Variants in INF2 observed in about 807,000 individuals in gnomAD.
The protein encoded by INF2 is inverted formin 2, also known as inverted formin-2.
INF2 carries 43 observed loss-of-function variants against 123.5 expected under a neutral mutation model. That is an observed-to-expected ratio of 0.35 (90% CI 0.27 to 0.45). The LOEUF (loss-of-function observed/expected upper bound fraction) is 0.45, where lower values mean the gene tolerates loss of function less well. Ranked by LOEUF, INF2 falls within the 20% of genes least tolerant of loss-of-function variation. The probability of loss-of-function intolerance (pLI) is 1.00; values close to 1 mark genes in which losing one functional copy is unlikely to be tolerated. For missense variants in INF2, 1,453 were observed against 1,682.7 expected (o/e 0.86, Z 2.39); for synonymous variants, 851 against 745.0 (o/e 1.14, Z -2.32).
intron 10 of INF2, among the ~76,000 whole-genome samples, chr14:104,708,963 G>C (rs1403695312): frequency 6.6e-6 from 1 of 152,178 alleles, no homozygotes; most frequent in Non-Finnish European, 1.5e-5. Flanking sequence ...GACAAGTAGT[G>C]GCTAAACCAG....
intron 22 of INF2, chr14:104,715,650 G>C (rs906342105): frequency 3.5e-6 from 2 of 575,188 alleles, no homozygotes; most frequent in Non-Finnish European, 6.4e-6. Context: ...AGCAGGATCC[G>C]GGCCCTGGGG....
At chr14:104,700,424 G>A (rs909027281) in intron 1 of INF2, among the ~76,000 whole-genome samples, 2 of 152,214 alleles carry the variant, frequency 1.3e-5, no homozygotes, top group African/African-American at 4.8e-5. Flanking sequence ...CTCCCTCCCC[G>A]AGGCTCCACG....
At chr14:104,708,879 C>A (rs1889907423) in intron 10 of INF2, 147 bp downstream of exon 10, 2 of 874,308 alleles carry the variant, frequency 2.3e-6, no homozygotes, top group Non-Finnish European at 1.9e-6. Context: ...GGGTAATAGC[C>A]CCATGCTGCC....
rs909373112 is a variant in INF2, at chr14:104,703,941, T to C, written c.693T>C (p.Ala231=). ...GGCTGCAGCTGCTGGACGTCCTGGC[T>C]CGCCTGCGGTGAGTCCCCACTGTAG... ...FIGLQLLDVL[A]RLRDLEDADL... The change falls in exon 5 of 23, where the codon GCT becomes GCC. Residue 231 remains alanine, a synonymous_variant. Coordinates refer to ENST00000392634, the MANE Select transcript of INF2 (RefSeq NM_022489.4). The C allele has an allele frequency of 1.9e-6, 3 of 1,610,424 alleles. No individual in the cohort carries two copies. The highest frequency in any genetic ancestry group is 1.7e-5 in the Admixed American group (1 of 60,018).
rs1404196547 is a variant in INF2, at chr14:104,721,101, T to G, written c.*2308T>G. 24 of 111,974 alleles carry G rather than the reference T, an allele frequency of 2.1e-4. No homozygotes were observed. The highest frequency in any genetic ancestry group is 8.7e-4 in the African/African-American group (22 of 25,362). The allele number at this position is 111,974 out of a possible 1,614,324, so 6.9% of individuals were successfully genotyped here. ...TGCTGCTGTGGACGTCTGCGTAGTC[T>G]CGTGTGGATGCTGCTGTGGACGTCT... is the stretch of plus-strand genomic sequence containing the variant. On this transcript the variant is annotated 3_prime_UTR_variant, in exon 23 of 23. Coordinates refer to ENST00000392634, the MANE Select transcript of INF2 (RefSeq NM_022489.4).
chr14:104,692,797 G>A (rs932517756), intron 1 of INF2, among the ~76,000 whole-genome samples: 2 of 152,236 alleles, frequency 1.3e-5, no homozygotes, highest in African/African-American at 4.8e-5. Context: ...ACCTTGCCAC[G>A]CCAATGGCCA....
At chr14:104,707,159 G>A (rs1018770084) in intron 7 of INF2, 94 bp from the exon 8 acceptor site, 54 of 1,510,336 alleles carry the variant, frequency 3.6e-5, no homozygotes, top group Middle Eastern at 1.9e-4. Context: ...CTCTGCCCAG[G>A]GGAGGTGGCC....
intron 1 of INF2, among the ~76,000 whole-genome samples, chr14:104,692,659 C>T (rs940869993): frequency 3.3e-5 from 5 of 152,236 alleles, no homozygotes; most frequent in African/African-American, 1.2e-4. Context: ...CCCATGCAGA[C>T]AGACAACTGC....
In INF2 at chr14:104,708,020, C is replaced by A. The variant is rs764135002; in HGVS notation, c.1735+18C>A. 2.3e-5 allele frequency: 36 copies of A among 1,598,096 alleles called. No individual in the cohort carries two copies. Among genetic ancestry groups the A allele is most frequent in the Non-Finnish European group, 3.1e-5 (36 of 1,179,700 alleles). ...GGCACGTGGTGAGGGTCCCCAGACC[C>A]CCAAGGGAAGCTTCCCCTAGGACGG... On this transcript the variant is annotated intron_variant, in intron 8 of 22. Transcript: ENST00000392634.
chr14:104,721,061 G>GTGTGGATGCTGCTGTGGACGTCTGCA lies in INF2; in HGVS notation c.*2269_*2270insGTGGATGCTGCTGTGGACGTCTGCAT, dbSNP rs1176355090. 6 of 11,700 alleles carry GTGTGGATGCTGCTGTGGACGTCTGCA rather than the reference G, an allele frequency of 5.1e-4. 1 individual carries two copies. Among genetic ancestry groups the GTGTGGATGCTGCTGTGGACGTCTGCA allele is most frequent in the African/African-American group, 1.7e-3 (2 of 1,202 alleles). The allele number at this position is 11,700 out of a possible 1,614,324, so 0.7% of individuals were successfully genotyped here. ...TGTGGATGCTGCTGTGGACGTCTGC[G>GTGTGGATGCTGCTGTGGACGTCTGCA]TAGTCTCGTGTGGATGCTGCTGTGG... On this transcript the variant is annotated 3_prime_UTR_variant, in exon 23 of 23. Transcript: ENST00000392634.
At position 104,703,087 on chromosome 14, in the gene INF2, C is replaced by A; in HGVS notation, c.392-18C>A. 6.3e-7 allele frequency: 1 copy of A among 1,596,056 alleles called. No homozygotes were observed. Among genetic ancestry groups the A allele is most frequent in the Admixed American group, 1.7e-5 (1 of 59,850 alleles). On this transcript the variant is annotated intron_variant, in intron 2 of 22. Transcript: ENST00000392634. ...GGGTGCATTGGCCCTGCTGAGCCTG[C>A]CCACTCCACCCTGGCAGCCCTGGAC...
At chr14:104,705,770 G>A (rs1045683939) in intron 5 of INF2, among the ~76,000 whole-genome samples, 4 of 152,202 alleles carry the variant, frequency 2.6e-5, no homozygotes, top group South Asian at 2.1e-4. Flanking sequence ...GGGCATACTC[G>A]CCCTTCCCCT....
At chr14:104,708,260 G>T in intron 8 of INF2, 176 bp from the exon 9 acceptor site, 1 of 910,236 alleles carries the variant, frequency 1.1e-6, no homozygotes, top group South Asian at 1.7e-5. Flanking sequence ...GTGCCCTGGG[G>T]CCCTGCTACA....
At chr14:104,708,941 C>A (rs950942282) in intron 10 of INF2, among the ~76,000 whole-genome samples, 8 of 152,192 alleles carry the variant, frequency 5.3e-5, no homozygotes, top group Admixed American at 3.3e-4. Flanking sequence ...GACCTCCCCC[C>A]ACAAGGCCAC....
At position 104,703,369 on chromosome 14, in the gene INF2, G is replaced by C; in HGVS notation, c.582G>C (p.Val194=). The change falls in exon 4 of 23, where the codon GTG becomes GTC. Residue 194 remains valine (V), a synonymous_variant. Transcript: ENST00000392634. ...ELSGSDNVPY[V]VTLLSVINAV... is the part of the protein sequence containing the mutation. ...CCGGCAGCGACAACGTGCCCTACGT[G>C]GTCACCCTGCTTAGCGTGATCAACG... The C allele has an allele frequency of 6.2e-7, 1 of 1,613,006 alleles. No individual in the cohort carries two copies. The highest frequency in any genetic ancestry group is 8.5e-7 in the Non-Finnish European group (1 of 1,179,908).
intron 12 of INF2, 47 bp downstream of exon 12, chr14:104,709,752 A>C (rs1191748062): frequency 3.9e-6 from 6 of 1,529,314 alleles, no homozygotes; most frequent in Non-Finnish European, 5.4e-6. Flanking sequence ...CCCAGGTGGG[A>C]GGAGAGCAGG....
At chr14:104,702,698 C>G (rs991285498) in intron 2 of INF2, among the ~76,000 whole-genome samples, 1 of 152,236 alleles carries the variant, frequency 6.6e-6, no homozygotes, top group African/African-American at 2.4e-5. Flanking sequence ...TCTATGGAGT[C>G]TTTTGTGAAT....
At chr14:104,716,466 A>G (rs1049244118) in intron 22 of INF2, among the ~76,000 whole-genome samples, 4 of 152,102 alleles carry the variant, frequency 2.6e-5, no homozygotes, top group African/African-American at 9.7e-5. Context: ...TGGAACTTGG[A>G]CTTGCTGGCC....
chr14:104,703,762 G>C (rs1324163681), intron 4 of INF2, among the ~76,000 whole-genome samples, 154 bp from the exon 5 acceptor site: 2 of 151,394 alleles, frequency 1.3e-5, no homozygotes, highest in Admixed American at 6.6e-5. Context: ...AAGCATCACT[G>C]TGTGTCCAGC....
Sources: gnomAD v4.1 joint callset for allele counts (sites outside exome capture counted in the v4.1 genomes callset) on GRCh38, gnomAD v4.1.1 for gene constraint, MANE v1.5 for transcripts, NCBI Gene and HGNC (gene_info 2026-07-23, HGNC 2026-07-21) for gene names.